The following GRIP1 variants were observed in gnomAD, a reference collection of about 807,000 sequenced individuals.
GRIP1 encodes glutamate receptor-interacting protein 1.
In GRIP1, 45 loss-of-function variants were observed where a neutral mutation model predicts 129.9. That is an observed-to-expected ratio of 0.35 (90% CI 0.27 to 0.44). The LOEUF is 0.44. Among genes scored for constraint, GRIP1 ranks in the 20% least tolerant of loss-of-function variants. The pLI is 1.00. For synonymous variants in GRIP1, 530 were observed against 520.8 expected (o/e 1.02, Z -0.24); for missense variants, 1,196 against 1,396.8 (o/e 0.86, Z 2.29).
intron 1 of GRIP1, among the ~76,000 whole-genome samples, chr12:67,034,394 A>C (rs766585279): frequency 2.6e-5 from 4 of 152,244 alleles, no homozygotes; most frequent in Non-Finnish European, 2.9e-5. Context: ...GAGTGCATTT[A>C]CATAAACCTA....
chr12:66,858,210 G>T (rs1284268565), intron 1 of GRIP1, among the ~76,000 whole-genome samples: 1 of 151,856 alleles, frequency 6.6e-6, no homozygotes, highest in Non-Finnish European at 1.5e-5. Flanking sequence ...ATATATAAGA[G>T]ATCATTTTTC....
chr12:66,454,457 A>AAG (rs2058895310), intron 11 of GRIP1, among the ~76,000 whole-genome samples: 1 of 152,218 alleles, frequency 6.6e-6, no homozygotes, highest in African/African-American at 2.4e-5. Context: ...GACTCTCTAG[A>AAG]CTATGATTAG....
At chr12:66,525,965 A>C (rs1435596552) in intron 5 of GRIP1, among the ~76,000 whole-genome samples, 2 of 152,152 alleles carry the variant, frequency 1.3e-5, no homozygotes, top group African/African-American at 4.8e-5. Context: ...CTAGGAATCC[A>C]ACTTACAAGG....
At chr12:66,362,844 G>A (rs1275729041) in intron 23 of GRIP1, among the ~76,000 whole-genome samples, 2 of 151,806 alleles carry the variant, frequency 1.3e-5, no homozygotes, top group Non-Finnish European at 2.9e-5. Flanking sequence ...TCTGAGTCTA[G>A]GGGATGGCAA....
chr12:66,379,993 C>G (rs953917824), intron 19 of GRIP1, among the ~76,000 whole-genome samples: 1 of 152,030 alleles, frequency 6.6e-6, no homozygotes, highest in African/African-American at 2.4e-5. Context: ...ACAACCTCCT[C>G]CTCCCGGGTT....
intron 1 of GRIP1, among the ~76,000 whole-genome samples, chr12:67,017,871 T>C (rs941906846): frequency 6.6e-6 from 1 of 152,140 alleles, no homozygotes; most frequent in African/African-American, 2.4e-5. Context: ...AGATACCACA[T>C]AGGATCACAG....
At chr12:66,695,606 C>T (rs185742803) in intron 1 of GRIP1, among the ~76,000 whole-genome samples, 85 of 152,218 alleles carry the variant, frequency 5.6e-4, no homozygotes, top group African/African-American at 2.0e-3. Context: ...TAGCTGAAAG[C>T]AAATGTTTCA....
chr12:66,974,091 AT>A (rs558209668), intron 1 of GRIP1, among the ~76,000 whole-genome samples: 142 of 151,588 alleles, frequency 9.4e-4, no homozygotes, highest in African/African-American at 2.9e-3. Context: ...CGCCCAACTA[AT>A]TTTTGTATTT....
At chr12:66,655,096 TA>T (rs1170436282) in intron 1 of GRIP1, among the ~76,000 whole-genome samples, 1 of 152,190 alleles carries the variant, frequency 6.6e-6, no homozygotes, top group African/African-American at 2.4e-5. Context: ...CAGATATTTT[TA>T]AAGTAACAAA....
intron 7 of GRIP1, among the ~76,000 whole-genome samples, chr12:66,490,649 A>G (rs2060080759): frequency 6.6e-6 from 1 of 152,228 alleles, no homozygotes; most frequent in South Asian, 2.1e-4. Flanking sequence ...CTGCATAGCA[A>G]AAGAAGCTAT....
chr12:66,815,610 A>T (rs12301597), intron 1 of GRIP1, among the ~76,000 whole-genome samples: 4,141 of 152,138 alleles, frequency 0.027, 188 homozygotes, highest in African/African-American at 0.095. Context: ...AAAATAAAAG[A>T]AAAATTAGCC....
chr12:67,053,793 G>A (rs1196053513), intron 1 of GRIP1, among the ~76,000 whole-genome samples: 2 of 150,876 alleles, frequency 1.3e-5, no homozygotes, highest in African/African-American at 2.4e-5. Context: ...AGCCGAGATC[G>A]CACCACTGCA....
In GRIP1 at chr12:66,445,379, T is replaced by C. The variant is rs1375197118; in HGVS notation, c.1484A>G (p.Glu495Gly). Residue 495 changes from glutamate (E) to glycine (G), a missense_variant, in exon 12 of 25, where the codon GAA (glutamate) becomes GGA (glycine). Around this residue, in one of 5 missense-constraint regions of GRIP1, gnomAD observed 508 missense variants for 587.0 expected, o/e 0.87. Coordinates refer to ENST00000359742, the MANE Select transcript of GRIP1 (RefSeq NM_001366722.1). ...IQLQGSVFATETLSSPPLISY... is the reference protein window; with the variant it reads ...IQLQGSVFATGTLSSPPLISY... ...AATCAGAGGTGGAGAAGAGAGAGTT[T>C]CTGTGGCAAACACACTGCCCTGCAG... The C allele has an allele frequency of 1.9e-6, 3 of 1,614,224 alleles. No homozygotes were observed. Among genetic ancestry groups the C allele is most frequent in the South Asian group, 1.1e-5 (1 of 91,088 alleles).
intron 1 of GRIP1, among the ~76,000 whole-genome samples, chr12:66,814,268 T>C (rs895292037): frequency 1.6e-4 from 24 of 152,206 alleles, no homozygotes; most frequent in African/African-American, 5.5e-4. Context: ...ACCATATTCA[T>C]AGGATTGCTG....
chr12:66,662,807 A>G (rs1025379077), intron 1 of GRIP1, among the ~76,000 whole-genome samples: 2 of 152,284 alleles, frequency 1.3e-5, no homozygotes, highest in Admixed American at 6.5e-5. Flanking sequence ...CTAGTTTTCC[A>G]CTGTCGATTA....
intron 19 of GRIP1, among the ~76,000 whole-genome samples, chr12:66,388,969 G>A (rs1364834269): frequency 1.3e-5 from 2 of 152,150 alleles, no homozygotes; most frequent in Non-Finnish European, 2.9e-5. Context: ...TTTTAGAGAA[G>A]AAGGAGAGAA....
chr12:66,423,984 A>T (rs187484154), intron 14 of GRIP1, among the ~76,000 whole-genome samples: 1 of 152,242 alleles, frequency 6.6e-6, no homozygotes, highest in Admixed American at 6.5e-5. Flanking sequence ...GTGTTATATG[A>T]TATATATTAG....
intron 15 of GRIP1, among the ~76,000 whole-genome samples, chr12:66,407,932 A>G (rs1009783872): frequency 6.6e-6 from 1 of 152,166 alleles, no homozygotes; most frequent in Non-Finnish European, 1.5e-5. Flanking sequence ...ACTCCCAGAG[A>G]GAGTCCTTCA....
rs907504226 is a variant in GRIP1, at chr12:66,353,507, G to A, written c.3069C>T (p.Gly1023=). The change falls in exon 24 of 25, where the codon GGC becomes GGT. Residue 1023 remains glycine (G), a synonymous_variant. Coordinates refer to ENST00000359742, the MANE Select transcript of GRIP1 (RefSeq NM_001366722.1). The stretch of plus-strand genomic sequence containing the variant: ...TGACATACACTCCTTTCTCCAGTAA[G>A]CCATCTGCTACACTGAACCCAAAGT... ...MEDFGFSVAD[G]LLEKGVYVKN... The A allele has an allele frequency of 1.9e-6, 3 of 1,612,782 alleles. No homozygotes were observed. The highest frequency in any genetic ancestry group is 2.7e-5 in the African/African-American group (2 of 74,896).
Sources: allele counts gnomAD v4.1 joint callset (sites outside exome capture counted in the v4.1 genomes callset), GRCh38; gene constraint gnomAD v4.1.1; regional missense constraint gnomAD v4.1.1; transcripts MANE v1.5; gene names NCBI Gene and HGNC (gene_info 2026-07-23, HGNC 2026-07-21).